Variants in ANXA10 observed in about 807,000 individuals in gnomAD.
ANXA10 encodes annexin 14.
ANXA10 carries 49 observed loss-of-function variants against 53.5 expected under a neutral mutation model. That is an observed-to-expected ratio of 0.92 (90% CI 0.73 to 1.16). The LOEUF is 1.16. ANXA10 is among the 50% of genes most tolerant of loss of function. The pLI, the probability that ANXA10 is intolerant of heterozygous loss-of-function variation, is 0.00. For missense variants in ANXA10, 393 were observed against 394.4 expected (o/e 1.00, Z 0.03); for synonymous variants, 131 against 128.9 (o/e 1.02, Z -0.11).
chr4:168,146,496 A>G (rs1000651538), intron 3 of ANXA10, among the ~76,000 whole-genome samples: 1 of 152,242 alleles, frequency 6.6e-6, no homozygotes, highest in Non-Finnish European at 1.5e-5. Context: ...AACCTTTGAC[A>G]AAAGTGACAA....
At chr4:168,097,978 T>C (rs1730578760) in intron 1 of ANXA10, among the ~76,000 whole-genome samples, 1 of 152,126 alleles carries the variant, frequency 6.6e-6, no homozygotes, top group African/African-American at 2.4e-5. Context: ...TCTCTAGATA[T>C]GTTGGTTTCT....
chr4:168,183,994 T>A (rs1408578929), intron 10 of ANXA10, among the ~76,000 whole-genome samples: 4 of 152,214 alleles, frequency 2.6e-5, no homozygotes, highest in Non-Finnish European at 5.9e-5. Flanking sequence ...TGATTTTGTA[T>A]TTTTCTGCAT....
rs1731628268 is a variant in ANXA10, at chr4:168,155,813, AT to A, written c.196-6713del. Among the ~76,000 whole-genome samples, 5 of 16,478 alleles carry A rather than the reference AT, an allele frequency of 3.0e-4. 1 individual carries two copies. Among genetic ancestry groups the A allele is most frequent in the Non-Finnish European group, 3.9e-4 (4 of 10,218 alleles). The allele number at this position is 16,478 out of a possible 152,430, so 10.8% of individuals were successfully genotyped here. On this transcript the variant is annotated intron_variant, in intron 3 of 11. Transcript: ENST00000359299. ...ATATATAATATATAATATATGATAT[AT>A]TATATATGATATATGATATATCATA...
At chr4:168,176,680 C>A (rs1366242847) in intron 6 of ANXA10, among the ~76,000 whole-genome samples, 7 of 152,192 alleles carry the variant, frequency 4.6e-5, no homozygotes, top group Non-Finnish European at 2.9e-5. Flanking sequence ...ACTGGATTCA[C>A]TGCACTGTGG....
chr4:168,105,291 C>CA (rs1730702421), intron 1 of ANXA10, among the ~76,000 whole-genome samples: 1 of 152,010 alleles, frequency 6.6e-6, no homozygotes, highest in Non-Finnish European at 1.5e-5. Context: ...CAGTATGCCC[C>CA]AGTTTCTGTT....
chr4:168,133,187 T>C (rs1384162951), intron 2 of ANXA10, among the ~76,000 whole-genome samples: 4 of 152,112 alleles, frequency 2.6e-5, no homozygotes, highest in Non-Finnish European at 5.9e-5. Flanking sequence ...GCCTAGTGTG[T>C]TCCTACGCAC....
intron 1 of ANXA10, among the ~76,000 whole-genome samples, chr4:168,101,292 T>C (rs910753437): frequency 1.3e-5 from 2 of 151,954 alleles, no homozygotes; most frequent in East Asian, 1.9e-4. Flanking sequence ...GCTGAGCCCA[T>C]GCCAGGATCA....
rs111412840 is a variant in ANXA10 at position 168,156,535 on chromosome 4, A to T, written c.196-5993A>T. ...TTTGTTTTTTTGAGACGGAGTCTCC[A>T]CTCTGTCACCCAGGCTGGAATGCAA... On this transcript the variant is annotated intron_variant, in intron 3 of 11. Coordinates refer to ENST00000359299, the MANE Select transcript of ANXA10 (RefSeq NM_007193.5). 6.4e-3 allele frequency among the ~76,000 whole-genome samples: 940 copies of T among 147,340 alleles called. 11 individuals are homozygous for T. Among genetic ancestry groups the T allele is most frequent in the African/African-American group, 0.022 (891 of 39,742 alleles).
At chr4:168,102,084 T>A (rs1250156468) in intron 1 of ANXA10, among the ~76,000 whole-genome samples, 5 of 152,154 alleles carry the variant, frequency 3.3e-5, no homozygotes, top group African/African-American at 1.2e-4. Context: ...GTACATTGTT[T>A]GGATTATTTT....
At chr4:168,115,338 A>G (rs982621885) in intron 1 of ANXA10, among the ~76,000 whole-genome samples, 7 of 152,182 alleles carry the variant, frequency 4.6e-5, no homozygotes, top group African/African-American at 1.4e-4. Context: ...CTCTATTGAA[A>G]GTTCATGACA....
At chr4:168,150,499 G>C (rs1038797281) in intron 3 of ANXA10, among the ~76,000 whole-genome samples, 6 of 152,132 alleles carry the variant, frequency 3.9e-5, no homozygotes, top group Admixed American at 6.5e-5. Context: ...TGGCCATTCT[G>C]ACAGGCTGGG....
At position 168,162,606 on chromosome 4, in the gene ANXA10, C is replaced by A. The variant is rs114905136; in HGVS notation, c.274C>A (p.Leu92Met). ...GGCTGGCCTCATGTACCCACCACCA[C>A]TGTATGATGCTCATGAGCTCTGGCA... ...VMAGLMYPPP[L>M]YDAHELWHAM... Residue 92 changes from leucine (L) to methionine (M), a missense_variant, in exon 4 of 12, where the codon CTG (leucine) becomes ATG (methionine). By Grantham distance (15) the Leu-to-Met change is conservative. Transcript: ENST00000359299. 5.6e-6 allele frequency: 9 copies of A among 1,613,946 alleles called. No individual in the cohort carries two copies. The South Asian group carries it at 9.9e-5, about 18-fold the overall frequency.
At chr4:168,179,459 T>C (rs761241437) in intron 9 of ANXA10, 147 bp downstream of exon 9, 5 of 585,184 alleles carry the variant, frequency 8.5e-6, no homozygotes, top group Admixed American at 3.1e-5. Context: ...ATTAACTCCA[T>C]AGGGGAAGAG....
chr4:168,095,674 T>G (rs1730530018), intron 1 of ANXA10, among the ~76,000 whole-genome samples: 1 of 152,110 alleles, frequency 6.6e-6, no homozygotes, highest in Admixed American at 6.6e-5. Flanking sequence ...CATATTATTT[T>G]TGTGTTTGCA....
Position 168,153,422 on chromosome 4 carries a change from C to CAAAAAA in ANXA10, c.196-9092_196-9087dup, listed in dbSNP as rs61179704. Among the ~76,000 whole-genome samples, 207 of 42,590 alleles carry CAAAAAA rather than the reference C, an allele frequency of 4.9e-3. No individual in the cohort carries two copies. The Middle Eastern group carries it at 0.056, about 11-fold the overall frequency. The allele number at this position is 42,590 out of a possible 152,430, so 27.9% of individuals were successfully genotyped here. A position where few individuals can be genotyped will look rare whatever the true frequency, so the allele number is the denominator to read the frequency against. ...GCTTCAAGCTGCTAAAAGCCTAAAG[C>CAAAAAA]AAAAAAAAAAAAAAAAAAACAAAAA... On this transcript the variant is annotated intron_variant, in intron 3 of 11. Transcript: ENST00000359299.
intron 3 of ANXA10, among the ~76,000 whole-genome samples, chr4:168,148,355 C>CA (rs1731438631): frequency 6.6e-6 from 1 of 151,970 alleles, no homozygotes; most frequent in Non-Finnish European, 1.5e-5. Context: ...TTAGTAGAGA[C>CA]GGGGTTTCAC....
intron 10 of ANXA10, among the ~76,000 whole-genome samples, chr4:168,182,545 G>A (rs1043218503): frequency 4.7e-5 from 7 of 148,648 alleles, no homozygotes; most frequent in African/African-American, 1.7e-4. Flanking sequence ...GTGTTACCCA[G>A]GATGGTCTCG....
intron 1 of ANXA10, among the ~76,000 whole-genome samples, chr4:168,109,538 A>G (rs1730770737): frequency 6.6e-6 from 1 of 152,206 alleles, no homozygotes; most frequent in Non-Finnish European, 1.5e-5. Context: ...AGTATAAAAT[A>G]AATCACCAAG....
chr4:168,170,917 T>C (rs1377891183), intron 6 of ANXA10, among the ~76,000 whole-genome samples: 1 of 152,120 alleles, frequency 6.6e-6, no homozygotes, highest in Non-Finnish European at 1.5e-5. Flanking sequence ...TCTTCGAAAA[T>C]CAGAAGTTCC....
Sources: gnomAD v4.1 joint callset for allele counts (sites outside exome capture counted in the v4.1 genomes callset) on GRCh38, gnomAD v4.1.1 for gene constraint, MANE v1.5 for transcripts, NCBI Gene and HGNC (gene_info 2026-07-23, HGNC 2026-07-21) for gene names.